DNAJC1: variants seen among roughly 807,000 people sequenced by gnomAD.
DNAJC1 encodes dnaJ homolog subfamily C member 1.
In DNAJC1, 58 loss-of-function variants were observed where a neutral mutation model predicts 76.6. That is an observed-to-expected ratio of 0.76 (90% CI 0.61 to 0.94). DNAJC1 has a LOEUF of 0.94. Among genes scored for constraint, DNAJC1 ranks in the 40% least tolerant of loss-of-function variants. The pLI is 0.00. For missense variants in DNAJC1, 689 were observed against 677.3 expected, an observed-to-expected ratio of 1.02 and a Z score of -0.19; for synonymous variants, 258 against 267.9, an observed-to-expected ratio of 0.96 and a Z score of 0.36.
At chr10:21,970,497 T>A (rs1186634149) in intron 1 of DNAJC1, among the ~76,000 whole-genome samples, 2 of 152,062 alleles carry the variant, frequency 1.3e-5, no homozygotes. Flanking sequence ...TAAACATTTT[T>A]AAATTAAGGA....
At chr10:21,803,202 C>G (rs550886871) in intron 9 of DNAJC1, among the ~76,000 whole-genome samples, 2 of 152,238 alleles carry the variant, frequency 1.3e-5, no homozygotes, top group East Asian at 3.9e-4. Context: ...ACACTCACCT[C>G]TCTCCCAAAA....
intron 8 of DNAJC1, among the ~76,000 whole-genome samples, chr10:21,820,992 T>C (rs1038147506): frequency 2.6e-5 from 4 of 152,184 alleles, no homozygotes; most frequent in African/African-American, 7.2e-5. Flanking sequence ...GGCCTCATTA[T>C]GTAGGCAAGA....
chr10:21,778,613 G>A (rs1190449874), intron 9 of DNAJC1, among the ~76,000 whole-genome samples: 2 of 152,168 alleles, frequency 1.3e-5, no homozygotes, highest in African/African-American at 4.8e-5. Context: ...AAAAATTGGG[G>A]AGTGTTCCAA....
rs368095839 is a variant in DNAJC1 at position 21,873,398 on chromosome 10, T to A, written c.978+8884A>T. Among the ~76,000 whole-genome samples the A allele has an allele frequency of 7.9e-5, 12 of 152,090 alleles. No homozygotes were observed. The East Asian group carries it at 9.7e-4, about 12-fold the overall frequency. On this transcript the variant is annotated intron_variant, in intron 8 of 11. Transcript: ENST00000376980. The stretch of plus-strand genomic sequence containing the variant: ...AGAAGTAACTCATGATTTTGAGAAA[T>A]CTTCAATAAGATTAACAGCTGATTT...
intron 3 of DNAJC1, among the ~76,000 whole-genome samples, chr10:21,921,818 C>G (rs1837046189): frequency 6.6e-6 from 1 of 151,984 alleles, no homozygotes; most frequent in African/African-American, 2.4e-5. Context: ...GTCAGACAAT[C>G]ATTGAACAAA....
intron 8 of DNAJC1, among the ~76,000 whole-genome samples, chr10:21,839,279 A>T (rs548525962): frequency 6.6e-6 from 1 of 152,300 alleles, no homozygotes; most frequent in Non-Finnish European, 1.5e-5. Context: ...ATAGAGACAC[A>T]AAAAATCCTT....
chr10:21,816,541 C>CTTT (rs1356219712), intron 8 of DNAJC1, among the ~76,000 whole-genome samples: 4 of 147,288 alleles, frequency 2.7e-5, no homozygotes, highest in African/African-American at 1.0e-4. Flanking sequence ...CACTGTCTCT[C>CTTT]TCTCTTTTTT....
At chr10:21,972,904 T>C (rs1195454769) in intron 1 of DNAJC1, among the ~76,000 whole-genome samples, 2 of 152,106 alleles carry the variant, frequency 1.3e-5, no homozygotes, top group African/African-American at 4.8e-5. Context: ...TAAAATGTCT[T>C]TGATTCAAAA....
At chr10:21,800,575 T>C (rs1348824978) in intron 9 of DNAJC1, among the ~76,000 whole-genome samples, 2 of 152,234 alleles carry the variant, frequency 1.3e-5, no homozygotes, top group African/African-American at 2.4e-5. Flanking sequence ...CATGGCAGCA[T>C]GGGCTATCGT....
At chr10:21,956,949 T>G (rs1837696954) in intron 1 of DNAJC1, among the ~76,000 whole-genome samples, 2 of 150,910 alleles carry the variant, frequency 1.3e-5, no homozygotes, top group African/African-American at 2.4e-5. Flanking sequence ...CAGGCTACAG[T>G]GCAGCGATCT....
intron 7 of DNAJC1, among the ~76,000 whole-genome samples, chr10:21,896,440 C>T (rs1368452016): frequency 1.3e-5 from 2 of 152,122 alleles, no homozygotes; most frequent in African/African-American, 4.8e-5. Context: ...GGACTGTTAC[C>T]CCTTTATTCT....
intron 9 of DNAJC1, among the ~76,000 whole-genome samples, chr10:21,801,378 G>T (rs981518835): frequency 2.6e-5 from 4 of 152,086 alleles, no homozygotes; most frequent in Non-Finnish European, 5.9e-5. Context: ...ACAAGGATAT[G>T]AAAAAAAGCT....
chr10:21,896,439 C>A (rs1046845506), intron 7 of DNAJC1, among the ~76,000 whole-genome samples: 1 of 152,132 alleles, frequency 6.6e-6, no homozygotes, highest in Non-Finnish European at 1.5e-5. Context: ...GGGACTGTTA[C>A]CCCTTTATTC....
intron 1 of DNAJC1, among the ~76,000 whole-genome samples, chr10:21,941,720 G>A (rs1837415690): frequency 6.6e-6 from 1 of 152,074 alleles, no homozygotes; most frequent in Non-Finnish European, 1.5e-5. Flanking sequence ...TGTAATATAT[G>A]TGTCTGTAGG....
intron 1 of DNAJC1, among the ~76,000 whole-genome samples, chr10:21,949,964 T>C (rs1216284645): frequency 6.6e-6 from 1 of 152,150 alleles, no homozygotes; most frequent in Non-Finnish European, 1.5e-5. Context: ...AAAAATGTTC[T>C]TAGTCAAATT....
At chr10:21,908,026 A>T (rs1464871333) in intron 6 of DNAJC1, among the ~76,000 whole-genome samples, 1 of 38,326 alleles carries the variant, frequency 2.6e-5, no homozygotes, top group Non-Finnish European at 3.9e-5. Context: ...AATATATATA[A>T]ATATATAATA....
chr10:21,915,617 AC>A (rs1005041844), intron 6 of DNAJC1, among the ~76,000 whole-genome samples: 27 of 152,332 alleles, frequency 1.8e-4, no homozygotes, highest in African/African-American at 6.5e-4. Context: ...TAACTAATTT[AC>A]TGTATACTTA....
chr10:21,955,093 T>C (rs1036071363), intron 1 of DNAJC1, among the ~76,000 whole-genome samples: 10 of 152,214 alleles, frequency 6.6e-5, no homozygotes, highest in African/African-American at 2.4e-4. Flanking sequence ...CCAGTTCTAA[T>C]AACCAAAAAT....
At chr10:21,757,187 G>A (rs1365251252) in intron 11 of DNAJC1, among the ~76,000 whole-genome samples, 1 of 152,150 alleles carries the variant, frequency 6.6e-6, no homozygotes, top group East Asian at 1.9e-4. Context: ...CCTTTCCCGT[G>A]GGGAGCCAGC....
Sources: gnomAD v4.1 joint callset for allele counts (sites outside exome capture counted in the v4.1 genomes callset) on GRCh38, gnomAD v4.1.1 for gene constraint, MANE v1.5 for transcripts, NCBI Gene and HGNC (gene_info 2026-07-23, HGNC 2026-07-21) for gene names.